Variants in GPHN observed in about 807,000 individuals in gnomAD.
GPHN encodes gephyrin.
In GPHN, 17 loss-of-function variants were observed where a neutral mutation model predicts 95.5. That is an observed-to-expected ratio of 0.18 (90% CI 0.12 to 0.27). GPHN has a LOEUF of 0.27. Among genes scored for constraint, GPHN ranks in the 10% least tolerant of loss-of-function variants. The pLI is 1.00. For synonymous variants in GPHN, 320 were observed against 322.5 expected (o/e 0.99, Z 0.08); for missense variants, 660 against 978.1 (o/e 0.67, Z 4.34).
At chr14:67,392,455 T>C in the GPHN span, 2 of 1,547,484 alleles carry the variant, frequency 1.3e-6, no homozygotes, top group Non-Finnish European at 1.8e-6. Context: ...GCAAGGACTC[T>C]GCTACAGAAA....
At chr14:67,657,955 G>T in the GPHN span, among the ~76,000 whole-genome samples, 1 of 151,854 alleles carries the variant, frequency 6.6e-6, no homozygotes, top group Non-Finnish European at 1.5e-5. Flanking sequence ...CACCATGTTG[G>T]CCAGGCTGGT....
At position 66,553,477 on chromosome 14, in the gene GPHN, C is replaced by T. The variant is rs553057823; in HGVS notation, c.64+44886C>T. Among the ~76,000 whole-genome samples the T allele has an allele frequency of 5.3e-5, 8 of 152,316 alleles. No homozygotes were observed. The South Asian group carries it at 1.0e-3, about 20-fold the overall frequency. ...TATTTCTCTTCAGCCTTTTATCTCT[C>T]TGTCAGGTTAGAGAATTTTGATTGA... On this transcript the variant is annotated intron_variant, in intron 1 of 22. Coordinates refer to ENST00000478722, the MANE Select transcript of GPHN (RefSeq NM_020806.5).
the GPHN span, among the ~76,000 whole-genome samples, chr14:67,646,090 C>A: frequency 6.6e-6 from 1 of 152,334 alleles, no homozygotes; most frequent in Middle Eastern, 3.4e-3. Flanking sequence ...TACTCTCAGA[C>A]ACACTGATCT....
At chr14:67,480,319 G>A in the GPHN span, among the ~76,000 whole-genome samples, 1 of 152,092 alleles carries the variant, frequency 6.6e-6, no homozygotes, top group Non-Finnish European at 1.5e-5. Context: ...AAGAAATCGG[G>A]TGGCAATAAT....
At chr14:67,005,697 A>G (rs2153613258) in intron 9 of GPHN, among the ~76,000 whole-genome samples, 1 of 152,090 alleles carries the variant, frequency 6.6e-6, no homozygotes, top group Non-Finnish European at 1.5e-5. Flanking sequence ...ATAAGTTGAA[A>G]TCACCTACAC....
At chr14:66,508,710 C>T (rs929247796) in intron 1 of GPHN, 119 bp downstream of exon 1, 2 of 903,546 alleles carry the variant, frequency 2.2e-6, no homozygotes, top group Non-Finnish European at 3.7e-6. Flanking sequence ...AAGAAGGGAA[C>T]CGCGGGGGTG....
At chr14:66,648,676 G>C (rs2064882692) in intron 1 of GPHN, among the ~76,000 whole-genome samples, 1 of 152,138 alleles carries the variant, frequency 6.6e-6, no homozygotes, top group Non-Finnish European at 1.5e-5. Context: ...ACAATGATGA[G>C]ATCACCTAAT....
At chr14:67,347,478 G>A in the GPHN span, 3 of 1,562,038 alleles carry the variant, frequency 1.9e-6, no homozygotes, top group Non-Finnish European at 2.6e-6. Context: ...AGCATACATG[G>A]ATTCATAAAC....
intron 9 of GPHN, among the ~76,000 whole-genome samples, chr14:66,983,671 T>C (rs1333289316): frequency 6.6e-6 from 1 of 152,214 alleles, no homozygotes; most frequent in African/African-American, 2.4e-5. Context: ...TCTATATAAA[T>C]CAGTCTTATA....
chr14:66,699,958 A>T (rs1349958402), intron 2 of GPHN, among the ~76,000 whole-genome samples: 3 of 152,220 alleles, frequency 2.0e-5, no homozygotes, highest in Admixed American at 6.5e-5. Flanking sequence ...TTTTCTTATG[A>T]CTGGATAACT....
chr14:66,795,309 A>G (rs2060117514), intron 3 of GPHN, among the ~76,000 whole-genome samples: 1 of 151,936 alleles, frequency 6.6e-6, no homozygotes. Flanking sequence ...CATCATTCTC[A>G]TTTCACCCTT....
intron 8 of GPHN, among the ~76,000 whole-genome samples, chr14:66,958,252 C>T (rs187715438): frequency 2.6e-4 from 40 of 152,016 alleles, no homozygotes; most frequent in African/African-American, 8.9e-4. Flanking sequence ...TCTCTTATAA[C>T]AGTTTTGGCT....
intron 9 of GPHN, among the ~76,000 whole-genome samples, chr14:66,980,517 A>G (rs2070586502): frequency 6.6e-6 from 1 of 152,204 alleles, no homozygotes; most frequent in African/African-American, 2.4e-5. Flanking sequence ...TTTTAGACAG[A>G]TAAGAAATTT....
chr14:66,877,376 G>T (rs950248369), intron 4 of GPHN, among the ~76,000 whole-genome samples: 23 of 152,148 alleles, frequency 1.5e-4, no homozygotes, highest in African/African-American at 5.3e-4. Context: ...AGTATTGGAA[G>T]TTCTGGCCAG....
At chr14:67,191,233 CA>C in the GPHN span, among the ~76,000 whole-genome samples, 1 of 149,550 alleles carries the variant, frequency 6.7e-6, no homozygotes, top group African/African-American at 2.5e-5. Context: ...GACTCCGTCT[CA>C]AAAAAAAACA....
At chr14:67,279,777 AG>A in the GPHN span, 1 of 393,050 alleles carries the variant, frequency 2.5e-6, no homozygotes, top group African/African-American at 2.1e-5. Flanking sequence ...GATATTAAAG[AG>A]TTCTGCATGG....
intron 8 of GPHN, among the ~76,000 whole-genome samples, chr14:66,959,683 C>T (rs2068767471): frequency 6.6e-6 from 1 of 152,016 alleles, no homozygotes; most frequent in African/African-American, 2.4e-5. Context: ...TCACTTTCAA[C>T]AATTTGATTA....
chr14:67,324,896 C>CTTTTTTTT, the GPHN span, among the ~76,000 whole-genome samples: 1 of 114,456 alleles, frequency 8.7e-6, no homozygotes, highest in African/African-American at 4.0e-5. Flanking sequence ...GCCTTCCTTT[C>CTTTTTTTT]ATTTTTTTTT....
At chr14:66,985,254 C>T (rs1038258837) in intron 9 of GPHN, among the ~76,000 whole-genome samples, 11 of 152,120 alleles carry the variant, frequency 7.2e-5, no homozygotes, top group Admixed American at 1.3e-4. Flanking sequence ...ACTGATCTTT[C>T]CACCTACAGA....
Sources: allele counts gnomAD v4.1 joint callset (sites outside exome capture counted in the v4.1 genomes callset), GRCh38; gene constraint gnomAD v4.1.1; transcripts MANE v1.5; gene names NCBI Gene and HGNC (gene_info 2026-07-23, HGNC 2026-07-21).